The following TMEM272 variants were observed in gnomAD, a reference collection of about 807,000 sequenced individuals.
The protein encoded by TMEM272 is transmembrane protein 272, also known as long intergenic non-protein coding RNA 282.
TMEM272 carries 8 observed loss-of-function variants against 3.7 expected under a neutral mutation model. The observed-to-expected ratio is 2.17, with a 90% CI of 1.27 to 3.91. The LOEUF (loss-of-function observed/expected upper bound fraction) is 3.91, where lower values mean the gene tolerates loss of function less well. Ranked by LOEUF, TMEM272 falls within the 30% of genes most tolerant of loss-of-function variation. The pLI is 0.00. For missense variants in TMEM272, 166 were observed against 91.5 expected, an observed-to-expected ratio of 1.81 and a Z score of -3.32; for synonymous variants, 63 against 39.8, an observed-to-expected ratio of 1.58 and a Z score of -2.20.
intron 1 of TMEM272, among the ~76,000 whole-genome samples, chr13:51,841,563 G>A (rs1956264030): frequency 6.6e-6 from 1 of 152,158 alleles, no homozygotes; most frequent in Admixed American, 6.5e-5. Context: ...GAATCCTGAA[G>A]AACAATGTTT....
chr13:51,889,899 C>T, the TMEM272 span, among the ~76,000 whole-genome samples: 2 of 152,170 alleles, frequency 1.3e-5, no homozygotes, highest in African/African-American at 2.4e-5. Flanking sequence ...CCTCGGCCCC[C>T]CAAAGTGCTG....
the TMEM272 span, among the ~76,000 whole-genome samples, chr13:51,931,788 A>G: frequency 6.6e-6 from 1 of 152,256 alleles, no homozygotes; most frequent in Non-Finnish European, 1.5e-5. Flanking sequence ...GCATGGCATG[A>G]AGTCCTCCAG....
At chr13:51,920,990 C>T in the TMEM272 span, among the ~76,000 whole-genome samples, 6 of 152,220 alleles carry the variant, frequency 3.9e-5, no homozygotes, top group Non-Finnish European at 7.3e-5. Context: ...GGCTCAAACT[C>T]ATTTCATTTT....
At chr13:51,928,407 T>C in the TMEM272 span, among the ~76,000 whole-genome samples, 4 of 152,350 alleles carry the variant, frequency 2.6e-5, no homozygotes, top group East Asian at 7.7e-4. Flanking sequence ...GATGACCTCA[T>C]CATACCCTCA....
upstream of TMEM272, among the ~76,000 whole-genome samples, chr13:51,849,673 G>A (rs753675385): frequency 2.6e-5 from 4 of 152,324 alleles, no homozygotes; most frequent in Non-Finnish European, 5.9e-5. Context: ...GCGCGGACAC[G>A]CCGCTGTCAG....
At chr13:51,843,182 T>C (rs905161316) in intron 1 of TMEM272, among the ~76,000 whole-genome samples, 4 of 152,250 alleles carry the variant, frequency 2.6e-5, no homozygotes, top group Non-Finnish European at 5.9e-5. Flanking sequence ...TATTTCCCAG[T>C]TGTATGTTCC....
intron 3 of TMEM272, among the ~76,000 whole-genome samples, chr13:51,822,731 C>T (rs12585859): frequency 0.14 from 21,014 of 152,176 alleles, 1,975 homozygotes; most frequent in East Asian, 0.5. Context: ...CACGCGTGTA[C>T]TCACATATCC....
the TMEM272 span, among the ~76,000 whole-genome samples, chr13:51,854,364 T>C: frequency 2.0e-5 from 3 of 152,228 alleles, no homozygotes; most frequent in Non-Finnish European, 2.9e-5. Context: ...TTTCTATCAG[T>C]GCACGATCAC....
At chr13:51,843,059 G>T (rs985815102) in intron 1 of TMEM272, among the ~76,000 whole-genome samples, 3 of 152,198 alleles carry the variant, frequency 2.0e-5, no homozygotes, top group African/African-American at 7.2e-5. Context: ...AACCAGCACT[G>T]GGTGGCTGAA....
At chr13:51,930,127 TC>T in the TMEM272 span, among the ~76,000 whole-genome samples, 73,714 of 149,696 alleles carry the variant, frequency 0.49, 18,194 homozygotes, top group Middle Eastern at 0.54. Flanking sequence ...GTATTTGCCT[TC>T]CCCCCCCCCA....
Position 51,825,538 on chromosome 13 carries a change from G to T in TMEM272, c.118+1028C>A, listed in dbSNP as rs545781388. 1.6e-4 allele frequency among the ~76,000 whole-genome samples: 25 copies of T among 152,058 alleles called. No homozygotes were observed. The East Asian group carries it at 4.8e-3, about 29-fold the overall frequency. On this transcript the variant is annotated intron_variant, in intron 3 of 4. Transcript: ENST00000629372. ...CTGGGTGTTTCGTTGTTGCTGTTTTGCAACAACTCCTATGCTCTTTTACTT... is the reference window on the plus strand; with the variant it reads ...CTGGGTGTTTCGTTGTTGCTGTTTTTCAACAACTCCTATGCTCTTTTACTT...
the TMEM272 span, among the ~76,000 whole-genome samples, chr13:51,912,648 C>T: frequency 6.6e-6 from 1 of 152,174 alleles, no homozygotes; most frequent in Non-Finnish European, 1.5e-5. Flanking sequence ...AAGTGATGCT[C>T]CACAGCTCCA....
At chr13:51,906,062 T>A in the TMEM272 span, among the ~76,000 whole-genome samples, 1 of 152,180 alleles carries the variant, frequency 6.6e-6, no homozygotes, top group African/African-American at 2.4e-5. Context: ...CCTTACAGGC[T>A]GTGTGTTCTG....
the TMEM272 span, among the ~76,000 whole-genome samples, chr13:51,916,563 G>A: frequency 6.6e-6 from 1 of 152,128 alleles, no homozygotes. Flanking sequence ...ATGGAGCCAG[G>A]TGCTGGCTTG....
chr13:51,829,900 T>C (rs556544718), intron 2 of TMEM272, among the ~76,000 whole-genome samples: 1 of 152,166 alleles, frequency 6.6e-6, no homozygotes, highest in Non-Finnish European at 1.5e-5. Context: ...CCCCTTTTCC[T>C]TCTTAAAAGT....
chr13:51,836,970 G>C (rs1003750712), intron 2 of TMEM272, among the ~76,000 whole-genome samples: 13 of 152,212 alleles, frequency 8.5e-5, no homozygotes, highest in Non-Finnish European at 1.8e-4. Flanking sequence ...TATTCTGCAG[G>C]AATGGGGAGT....
intron 2 of TMEM272, among the ~76,000 whole-genome samples, chr13:51,837,079 C>T (rs961167114): frequency 1.3e-5 from 2 of 152,158 alleles, no homozygotes; most frequent in South Asian, 2.1e-4. Context: ...TGGCTGAAGA[C>T]GGAGTTATTC....
the TMEM272 span, among the ~76,000 whole-genome samples, chr13:51,874,143 C>T: frequency 1.3e-5 from 2 of 152,290 alleles, no homozygotes; most frequent in African/African-American, 4.8e-5. Context: ...CTGCCTGGGA[C>T]AGTAGTGTGA....
the TMEM272 span, among the ~76,000 whole-genome samples, chr13:51,898,828 C>T: frequency 6.6e-6 from 1 of 152,080 alleles, no homozygotes; most frequent in African/African-American, 2.4e-5. Context: ...GTGCCACCGG[C>T]AACCTGTTAT....
Sources: gnomAD v4.1 joint callset for allele counts (sites outside exome capture counted in the v4.1 genomes callset) on GRCh38, gnomAD v4.1.1 for gene constraint, MANE v1.5 for transcripts, NCBI Gene and HGNC (gene_info 2026-07-23, HGNC 2026-07-21) for gene names.